Variants in E2F5 observed in about 807,000 individuals in gnomAD.
The protein encoded by E2F5 is E2F transcription factor 5.
Under a neutral mutation model 39.1 loss-of-function variants are expected in E2F5, and 23 were observed. That is an observed-to-expected ratio of 0.59 (90% CI 0.42 to 0.83). The LOEUF is 0.83. E2F5 is among the 40% of genes least tolerant of loss of function. E2F5 has a pLI of 0.00. For synonymous variants in E2F5, 145 were observed against 157.8 expected, an observed-to-expected ratio of 0.92 and a Z score of 0.61; for missense variants, 365 against 406.7, an observed-to-expected ratio of 0.90 and a Z score of 0.88.
chr8:85,177,476 A>G lies in E2F5; in HGVS notation c.56A>G (p.Gln19Arg), dbSNP rs1812107434. The G allele has an allele frequency of 4.9e-6, 5 of 1,016,474 alleles. No homozygotes were observed. Among genetic ancestry groups the G allele is most frequent in the South Asian group, 4.5e-5 (1 of 22,442 alleles). 63.0% of individuals were successfully genotyped at this position (1,016,474 alleles called of 1,614,324 possible). A position where few individuals can be genotyped will look rare whatever the true frequency, so the allele number is the denominator to read the frequency against. The change falls in exon 1 of 8, where the codon CAG becomes CGG. Residue 19 changes from glutamine (Q) to arginine (R), a missense_variant. Gln to Arg is a conservative substitution (Grantham distance 43). Coordinates refer to ENST00000416274, the MANE Select transcript of E2F5 (RefSeq NM_001951.4). ...CAGCAGGCGCCGGCAGGGCAGGGGC[A>G]GGGCCAGCGGCCGCCGCCGCAGCCT... ...SGQQAPAGQG[Q>R]GQRPPPQPPQ... is the part of the protein sequence containing the mutation.
intron 6 of E2F5, among the ~76,000 whole-genome samples, chr8:85,211,067 T>C (rs941986877): frequency 6.6e-6 from 1 of 151,972 alleles, no homozygotes; most frequent in African/African-American, 2.4e-5. Flanking sequence ...ATGTTTGCAG[T>C]TATGCAACTG....
intron 6 of E2F5, among the ~76,000 whole-genome samples, chr8:85,210,546 C>T (rs528328658): frequency 7.9e-5 from 12 of 151,906 alleles, no homozygotes; most frequent in South Asian, 4.2e-4. Flanking sequence ...CTGGGTGTGG[C>T]GGCGCACACC....
chr8:85,190,812 G>A (rs910964282), intron 1 of E2F5, among the ~76,000 whole-genome samples: 3 of 152,056 alleles, frequency 2.0e-5, no homozygotes, highest in Admixed American at 1.3e-4. Flanking sequence ...CCAAGATGTG[G>A]AGATTTTTCC....
At chr8:85,181,291 T>A (rs1426464278) in intron 1 of E2F5, among the ~76,000 whole-genome samples, 1 of 152,146 alleles carries the variant, frequency 6.6e-6, no homozygotes, top group African/African-American at 2.4e-5. Flanking sequence ...TATCTTATGC[T>A]GCTGGAGAAT....
chr8:85,195,379 T>C (rs559901343), intron 1 of E2F5, among the ~76,000 whole-genome samples: 1 of 151,994 alleles, frequency 6.6e-6, no homozygotes, highest in African/African-American at 2.4e-5. Context: ...CAAGACTCTG[T>C]CTCAAAAAAA....
At chr8:85,182,481 T>C (rs1396806174) in intron 1 of E2F5, among the ~76,000 whole-genome samples, 4 of 152,206 alleles carry the variant, frequency 2.6e-5, no homozygotes, top group African/African-American at 9.7e-5. Flanking sequence ...CAAAAATAAA[T>C]GTATGTAGGT....
intron 1 of E2F5, among the ~76,000 whole-genome samples, chr8:85,183,341 G>C (rs939175574): frequency 1.3e-5 from 2 of 152,136 alleles, no homozygotes; most frequent in African/African-American, 4.8e-5. Flanking sequence ...GAGATATGTG[G>C]GTAGGACAGC....
chr8:85,207,511 T>C (rs747118561), intron 5 of E2F5, 22 bp downstream of exon 5: 1 of 1,529,894 alleles, frequency 6.5e-7, no homozygotes, highest in Admixed American at 2.1e-5. Flanking sequence ...AACTTATGTT[T>C]ATATAAGTGG....
intron 1 of E2F5, among the ~76,000 whole-genome samples, chr8:85,196,395 C>G (rs1163128414): frequency 6.6e-6 from 1 of 152,110 alleles, no homozygotes; most frequent in Non-Finnish European, 1.5e-5. Context: ...TGGTCACAAT[C>G]CCAGAGCTTT....
At chr8:85,185,835 C>T (rs1021021738) in intron 1 of E2F5, among the ~76,000 whole-genome samples, 6 of 152,238 alleles carry the variant, frequency 3.9e-5, no homozygotes, top group Middle Eastern at 3.4e-3. Flanking sequence ...GTTACAATGG[C>T]GATCATTAAA....
rs933728183 is a variant in E2F5, at chr8:85,200,314, T to C, written c.235-1833T>C. The C allele has an allele frequency of 1.2e-5, 11 of 950,750 alleles. No individual in the cohort carries two copies. In the South Asian group the frequency reaches 4.4e-4, roughly 38 times the overall value. 58.9% of individuals were successfully genotyped at this position (950,750 alleles called of 1,614,324 possible). Reference sequence around the variant, plus strand: ...CCTGGAGATTCTTTTACATATGATCTGTACATGTTAGTCATTTATATGTTT... The same window carrying C: ...CCTGGAGATTCTTTTACATATGATCCGTACATGTTAGTCATTTATATGTTT... On this transcript the variant is annotated intron_variant, in intron 1 of 7. Transcript: ENST00000416274.
chr8:85,203,296 G>T, intron 3 of E2F5, 41 bp downstream of exon 3: 1 of 1,443,086 alleles, frequency 6.9e-7, no homozygotes, highest in South Asian at 1.7e-5. Flanking sequence ...TATAGCTTTG[G>T]AATATGTATG....
rs143237865 is a variant in E2F5, at chr8:85,192,579, G to C, written c.235-9568G>C. Among the ~76,000 whole-genome samples, 1,241 of 152,248 alleles carry C rather than the reference G, an allele frequency of 8.2e-3. 15 individuals are homozygous for C. Among genetic ancestry groups the C allele is most frequent in the African/African-American group, 0.027 (1,141 of 41,518 alleles). ...TGAGGGAGTAGCCAACCAGTGTCGAGTGCTACAGAGGATGCAACAGGACTT... is the reference window on the plus strand; with the variant it reads ...TGAGGGAGTAGCCAACCAGTGTCGACTGCTACAGAGGATGCAACAGGACTT... On this transcript the variant is annotated intron_variant, in intron 1 of 7. Coordinates refer to ENST00000416274, the MANE Select transcript of E2F5 (RefSeq NM_001951.4).
chr8:85,179,794 G>C (rs1164720246), intron 1 of E2F5, among the ~76,000 whole-genome samples: 1 of 151,350 alleles, frequency 6.6e-6, no homozygotes, highest in African/African-American at 2.4e-5. Context: ...CGAGTAGCTC[G>C]GACTACAGGC....
intron 1 of E2F5, among the ~76,000 whole-genome samples, chr8:85,188,811 T>C (rs374224885): frequency 6.6e-6 from 1 of 152,204 alleles, no homozygotes; most frequent in East Asian, 1.9e-4. Context: ...GCATTGGAGC[T>C]AAAGGTATGG....
chr8:85,214,496 A>C lies in E2F5; in HGVS notation c.*634A>C. The C allele has an allele frequency of 1.7e-6, 2 of 1,144,838 alleles. No individual in the cohort carries two copies. Among genetic ancestry groups the C allele is most frequent in the Non-Finnish European group, 1.3e-6 (1 of 770,040 alleles). The allele number at this position is 1,144,838 out of a possible 1,614,324, so 70.9% of individuals were successfully genotyped here. A position where few individuals can be genotyped will look rare whatever the true frequency, so the allele number is the denominator to read the frequency against. On this transcript the variant is annotated 3_prime_UTR_variant, in exon 8 of 8. Coordinates refer to ENST00000416274, the MANE Select transcript of E2F5 (RefSeq NM_001951.4). ...CTGTACATTAACAAGATTTTTAAAA[A>C]TAAAATTGTATAAAACATTCAATTT...
At chr8:85,205,162 G>A (rs193062877) in intron 3 of E2F5, among the ~76,000 whole-genome samples, 343 of 151,958 alleles carry the variant, frequency 2.3e-3, no homozygotes, top group African/African-American at 7.7e-3. Context: ...CAGCTTGGGC[G>A]ATAGAGCAAA....
chr8:85,188,786 A>C (rs1328656874), intron 1 of E2F5, among the ~76,000 whole-genome samples: 1 of 152,076 alleles, frequency 6.6e-6, no homozygotes, highest in Admixed American at 6.5e-5. Flanking sequence ...GTTAGGTTTT[A>C]CTTTGGCAAT....
chr8:85,196,892 A>G (rs1260198511), intron 1 of E2F5, among the ~76,000 whole-genome samples: 2 of 152,366 alleles, frequency 1.3e-5, no homozygotes, highest in South Asian at 2.1e-4. Context: ...AGTGTTTAAA[A>G]TTAAGTAATA....
Sources: allele counts gnomAD v4.1 joint callset (sites outside exome capture counted in the v4.1 genomes callset), GRCh38; gene constraint gnomAD v4.1.1; transcripts MANE v1.5; gene names NCBI Gene and HGNC (gene_info 2026-07-23, HGNC 2026-07-21).